Variants in WNK3 observed in about 807,000 individuals in gnomAD.
The protein encoded by WNK3 is WNK lysine deficient protein kinase 3.
WNK3 carries 18 observed loss-of-function variants against 116.7 expected under a neutral mutation model. That is an observed-to-expected ratio of 0.15 (90% CI 0.11 to 0.23). The LOEUF (loss-of-function observed/expected upper bound fraction) is 0.23. Ranked by LOEUF, WNK3 falls within the 10% of genes least tolerant of loss-of-function variation. The pLI is 1.00. For missense variants in WNK3, 993 were observed against 1,323.8 expected, an observed-to-expected ratio of 0.75 and a Z score of 3.88; for synonymous variants, 404 against 469.4, an observed-to-expected ratio of 0.86 and a Z score of 1.80.
intron 10 of WNK3, among the ~76,000 whole-genome samples, chrX:54,285,554 A>G (rs1193823265): frequency 3.6e-5 from 4 of 112,551 alleles, no homozygotes; most frequent in African/African-American, 1.3e-4. Context: ...AATCTGGCAC[A>G]CCACCTGTTT....
At chrX:54,199,641 C>T (rs1199757352) in intron 23 of WNK3, among the ~76,000 whole-genome samples, 1 of 111,510 alleles carries the variant, frequency 9.0e-6, no homozygotes, top group African/African-American at 3.3e-5. Flanking sequence ...CAAGACCAGC[C>T]TGGCCAACAT....
intron 3 of WNK3, 86 bp downstream of exon 3, chrX:54,311,033 G>C: frequency 1.4e-6 from 1 of 704,505 alleles, no homozygotes; most frequent in Non-Finnish European, 2.0e-6. Context: ...AAAATTCTTT[G>C]AGTAGTTTTA....
chrX:54,285,595 G>A (rs183528673), intron 10 of WNK3, among the ~76,000 whole-genome samples: 9 of 111,970 alleles, frequency 8.0e-5, no homozygotes, highest in African/African-American at 2.6e-4. Context: ...GAACACAGCC[G>A]CGCCTATTTG....
At chrX:54,197,745 T>C (rs1405483701) in exon 24 of WNK3, 1 of 103,916 alleles carries the variant, frequency 9.6e-6, no homozygotes, top group African/African-American at 3.5e-5. Context: ...AAAAAAAAAG[T>C]GATTCTAATT....
In WNK3 at chrX:54,300,451, C is replaced by A. The variant is rs144564834; in HGVS notation, c.1178+1320G>T. On this transcript the variant is annotated intron_variant, in intron 6 of 23. Coordinates refer to ENST00000354646, the Ensembl canonical transcript of WNK3. The stretch of plus-strand genomic sequence containing the variant: ...CTAGGATTACAGGTATAAGCCACTA[C>A]CCTCAACCTATTATCCTTTTAGTTA... 2.8e-3 allele frequency among the ~76,000 whole-genome samples: 312 copies of A among 112,014 alleles called. 3 individuals carry two copies. The highest frequency in any genetic ancestry group is 9.5e-3 in the African/African-American group (293 of 30,899).
At chrX:54,262,553 C>T (rs1470976713) in intron 10 of WNK3, among the ~76,000 whole-genome samples, 1 of 111,182 alleles carries the variant, frequency 9.0e-6, no homozygotes, top group Non-Finnish European at 1.9e-5. Context: ...TTTCTACCTT[C>T]ACACATTTAT....
At chrX:54,271,765 C>G (rs782205318) in intron 10 of WNK3, among the ~76,000 whole-genome samples, 1 of 111,943 alleles carries the variant, frequency 8.9e-6, no homozygotes, top group African/African-American at 3.2e-5. Context: ...AACCAACCTC[C>G]CAAATTGAAG....
chrX:54,239,757 T>C (rs111960085), intron 17 of WNK3, among the ~76,000 whole-genome samples: 2,717 of 111,314 alleles, frequency 0.024, 92 homozygotes, highest in African/African-American at 0.086. Flanking sequence ...TTCTTGTCCT[T>C]CTACTCCCCG....
chrX:54,244,604 A>C (rs2068056464), intron 17 of WNK3, among the ~76,000 whole-genome samples: 1 of 112,414 alleles, frequency 8.9e-6, no homozygotes, highest in Non-Finnish European at 1.9e-5. Context: ...AAGCTGAGTC[A>C]TGCAAGAAAC....
intron 17 of WNK3, among the ~76,000 whole-genome samples, chrX:54,247,887 G>C (rs1557153001): frequency 9.0e-6 from 1 of 111,166 alleles, no homozygotes; most frequent in Non-Finnish European, 1.9e-5. Context: ...AATTATTAGT[G>C]GTTACTTTTG....
chrX:54,255,689 C>G, intron 12 of WNK3, 51 bp downstream of exon 12: 2 of 1,116,956 alleles, frequency 1.8e-6, no homozygotes, highest in Non-Finnish European at 2.4e-6. Flanking sequence ...CCCTCTCTGA[C>G]CCTCCAGACC....
chrX:54,272,016 T>C (rs782629834), intron 10 of WNK3, among the ~76,000 whole-genome samples: 1 of 112,299 alleles, frequency 8.9e-6, no homozygotes, highest in Non-Finnish European at 1.9e-5. Context: ...TTTGACAATG[T>C]TCAGCAAACA....
At chrX:54,356,487 C>T (rs1557179408) in intron 1 of WNK3, among the ~76,000 whole-genome samples, 1 of 110,973 alleles carries the variant, frequency 9.0e-6, no homozygotes, top group African/African-American at 3.3e-5. Context: ...AGCTTTAGTG[C>T]ATTTTTGCTA....
At chrX:54,266,654 C>T in intron 10 of WNK3, among the ~76,000 whole-genome samples, 1 of 110,731 alleles carries the variant, frequency 9.0e-6, no homozygotes, top group Middle Eastern at 4.7e-3. Flanking sequence ...ACTCCCACTT[C>T]AGCCTCCTGA....
At chrX:54,308,197 C>CTTT in intron 4 of WNK3, 118 bp from the exon 5 acceptor site, 2 of 527,096 alleles carry the variant, frequency 3.8e-6, no homozygotes, top group East Asian at 4.8e-5. Context: ...AAGCAAATTT[C>CTTT]TTTTTTTTTT....
intron 22 of WNK3, among the ~76,000 whole-genome samples, chrX:54,210,459 A>G (rs1381839077): frequency 9.0e-6 from 1 of 110,926 alleles, no homozygotes; most frequent in Non-Finnish European, 1.9e-5. Context: ...CATCTCTACA[A>G]AAAAAATTTT....
exon 17 of WNK3, chrX:54,249,380 C>T (rs2068105823): frequency 8.3e-7 from 1 of 1,210,303 alleles, no homozygotes; most frequent in African/African-American, 1.7e-5. Context: ...CCCTCACATT[C>T]AGCTGGAACT....
intron 1 of WNK3, among the ~76,000 whole-genome samples, chrX:54,352,540 C>T (rs782148847): frequency 2.2e-4 from 24 of 110,774 alleles, no homozygotes; most frequent in Admixed American, 1.5e-3. Context: ...TGGTGTGGGG[C>T]GTGGTGACAC....
chrX:54,219,579 G>A (rs2067737604), intron 22 of WNK3, among the ~76,000 whole-genome samples: 1 of 102,473 alleles, frequency 9.8e-6, no homozygotes, highest in Non-Finnish European at 2.0e-5. Flanking sequence ...TCGGGAGGCT[G>A]AGGCAGGAGA....
Sources: allele counts gnomAD v4.1 joint callset (sites outside exome capture counted in the v4.1 genomes callset), GRCh38; gene constraint gnomAD v4.1.1; transcripts MANE v1.5; gene names NCBI Gene and HGNC (gene_info 2026-07-23, HGNC 2026-07-21).